TENM2: variants seen among roughly 807,000 people sequenced by gnomAD.
TENM2 encodes teneurin transmembrane protein 2, also known as teneurin-2.
In TENM2, 52 loss-of-function variants were observed where a neutral mutation model predicts 245.2. The ratio of observed to expected loss-of-function variants is 0.21; its 90% CI spans 0.17 to 0.27. The LOEUF (loss-of-function observed/expected upper bound fraction) is 0.27. Ranked by LOEUF, TENM2 falls within the 10% of genes least tolerant of loss-of-function variation. The pLI is 1.00. For synonymous variants in TENM2, 1,363 were observed against 1,438.9 expected (o/e 0.95, Z 1.19); for missense variants, 3,046 against 3,666.8 (o/e 0.83, Z 4.37).
At chr5:167,181,502 G>GTGTGTA in the TENM2 span, among the ~76,000 whole-genome samples, 211 of 144,094 alleles carry the variant, frequency 1.5e-3, 3 homozygotes, top group East Asian at 0.025. Context: ...GTGTGTGTGT[G>GTGTGTA]TATGTGTATT....
chr5:167,785,407 A>G lies in TENM2; in HGVS notation c.503-90579A>G, dbSNP rs1034014568. Among the ~76,000 whole-genome samples, 3 of 152,062 alleles carry G rather than the reference A, an allele frequency of 2.0e-5. No individual in the cohort carries two copies. The East Asian group carries it at 5.8e-4, about 29-fold the overall frequency. ...TCATGTAGCTAATGAAACAATATGC[A>G]TTTCAATTCCAAGGCTCCCTGGATT... On this transcript the variant is annotated intron_variant, in intron 2 of 28. Coordinates refer to ENST00000518659, the Ensembl canonical transcript of TENM2.
chr5:167,800,833 C>G (rs2150945371), intron 2 of TENM2, among the ~76,000 whole-genome samples: 1 of 152,036 alleles, frequency 6.6e-6, no homozygotes, highest in Non-Finnish European at 1.5e-5. Context: ...TTTCTTGATT[C>G]CCTGGCAGAG....
chr5:167,412,312 G>T (rs1000370352), intron 2 of TENM2, among the ~76,000 whole-genome samples: 1 of 151,994 alleles, frequency 6.6e-6, no homozygotes, highest in East Asian at 1.9e-4. Flanking sequence ...AAAAGAGAGG[G>T]ACTTGTTAGA....
At chr5:168,008,784 A>T (rs1581042216) in intron 5 of TENM2, among the ~76,000 whole-genome samples, 1 of 152,184 alleles carries the variant, frequency 6.6e-6, no homozygotes. Flanking sequence ...AATTAACCTC[A>T]TATCTTTAAA....
chr5:167,521,115 G>A (rs1306744244), intron 2 of TENM2, among the ~76,000 whole-genome samples: 1 of 151,814 alleles, frequency 6.6e-6, no homozygotes, highest in Non-Finnish European at 1.5e-5. Flanking sequence ...TGTTATTGCA[G>A]AGGTTGTCAT....
chr5:167,249,508 T>C, the TENM2 span, among the ~76,000 whole-genome samples: 2 of 152,164 alleles, frequency 1.3e-5, no homozygotes, highest in Non-Finnish European at 2.9e-5. Flanking sequence ...TCTGTCCTTA[T>C]ATTCGACAAG....
chr5:167,485,788 G>T (rs762625651), intron 2 of TENM2, among the ~76,000 whole-genome samples: 1 of 152,092 alleles, frequency 6.6e-6, no homozygotes, highest in African/African-American at 2.4e-5. Context: ...TTTGTATCTC[G>T]GTACCTGTTT....
At chr5:167,670,825 T>C (rs1324011884) in intron 2 of TENM2, among the ~76,000 whole-genome samples, 1 of 152,194 alleles carries the variant, frequency 6.6e-6, no homozygotes, top group Non-Finnish European at 1.5e-5. Flanking sequence ...GTAGTCTGTT[T>C]TGCATTCCTC....
At chr5:167,663,178 G>GAGAA (rs1554097402) in intron 2 of TENM2, among the ~76,000 whole-genome samples, 85 of 139,190 alleles carry the variant, frequency 6.1e-4, no homozygotes, top group African/African-American at 2.7e-3. Context: ...GAGAGAGAGA[G>GAGAA]AGAGAGAGAA....
At chr5:167,195,746 A>C in the TENM2 span, among the ~76,000 whole-genome samples, 1 of 151,978 alleles carries the variant, frequency 6.6e-6, no homozygotes, top group Non-Finnish European at 1.5e-5. Context: ...AAAAAATAAG[A>C]AATATCACCT....
chr5:167,906,641 G>T (rs1014893478), intron 3 of TENM2, among the ~76,000 whole-genome samples: 1 of 152,140 alleles, frequency 6.6e-6, no homozygotes, highest in Non-Finnish European at 1.5e-5. Flanking sequence ...TCTGATGAAG[G>T]CAAGGAGTGT....
At chr5:167,913,406 A>G (rs1776697268) in intron 3 of TENM2, among the ~76,000 whole-genome samples, 1 of 152,210 alleles carries the variant, frequency 6.6e-6, no homozygotes, top group Admixed American at 6.5e-5. Context: ...GTTACAAAGC[A>G]TATTTATTTA....
chr5:167,123,055 T>C, the TENM2 span, among the ~76,000 whole-genome samples: 2 of 151,570 alleles, frequency 1.3e-5, no homozygotes, highest in African/African-American at 4.9e-5. Flanking sequence ...CCCGGCACTT[T>C]GGGAGGCCAA....
At chr5:167,391,047 C>T (rs890126917) in intron 2 of TENM2, among the ~76,000 whole-genome samples, 4 of 152,138 alleles carry the variant, frequency 2.6e-5, no homozygotes, top group Non-Finnish European at 5.9e-5. Context: ...TTTTTGGCTG[C>T]AGTGGTATCC....
At chr5:167,355,741 G>A (rs1483302147) in intron 1 of TENM2, among the ~76,000 whole-genome samples, 1 of 152,072 alleles carries the variant, frequency 6.6e-6, no homozygotes, top group Non-Finnish European at 1.5e-5. Flanking sequence ...CCTCACCAAA[G>A]AGAAACATCT....
At chr5:167,087,734 G>T in the TENM2 span, among the ~76,000 whole-genome samples, 1 of 151,962 alleles carries the variant, frequency 6.6e-6, no homozygotes, top group African/African-American at 2.4e-5. Flanking sequence ...ATTCTGAGTA[G>T]ATTTCAAATA....
intron 2 of TENM2, among the ~76,000 whole-genome samples, chr5:167,439,750 A>G (rs568532643): frequency 2.0e-5 from 3 of 152,086 alleles, no homozygotes; most frequent in South Asian, 2.1e-4. Flanking sequence ...TCTGTTTGCT[A>G]CTCCTCCTCT....
At chr5:167,442,589 A>AC (rs1260646398) in intron 2 of TENM2, among the ~76,000 whole-genome samples, 1 of 152,012 alleles carries the variant, frequency 6.6e-6, no homozygotes, top group Admixed American at 6.6e-5. Flanking sequence ...ATCAGAAAAA[A>AC]AAAATCCTTT....
intron 2 of TENM2, among the ~76,000 whole-genome samples, chr5:167,573,103 C>T (rs1421777049): frequency 1.3e-5 from 2 of 151,470 alleles, no homozygotes; most frequent in Admixed American, 6.6e-5. Context: ...ATTATCAAGA[C>T]GAAGCATTTG....
Sources: allele counts gnomAD v4.1 joint callset (sites outside exome capture counted in the v4.1 genomes callset), GRCh38; gene constraint gnomAD v4.1.1; transcripts MANE v1.5; gene names NCBI Gene and HGNC (gene_info 2026-07-23, HGNC 2026-07-21).